Variants in PIEZO2 observed in about 807,000 individuals in gnomAD.
PIEZO2 encodes piezo-type mechanosensitive ion channel component 2.
PIEZO2 carries 172 observed loss-of-function variants against 337.3 expected under a neutral mutation model. That is an observed-to-expected ratio of 0.51 (90% CI 0.45 to 0.58). The LOEUF (loss-of-function observed/expected upper bound fraction) is 0.58. Among genes scored for constraint, PIEZO2 ranks in the 20% least tolerant of loss-of-function variants. The pLI is 0.00. For missense variants in PIEZO2, 3,028 were observed against 3,391.3 expected (o/e 0.89, Z 2.66); for synonymous variants, 1,251 against 1,228.5 (o/e 1.02, Z -0.38).
At chr18:10,860,530 C>T (rs2041845339) in intron 5 of PIEZO2, among the ~76,000 whole-genome samples, 1 of 152,162 alleles carries the variant, frequency 6.6e-6, no homozygotes, top group Admixed American at 6.5e-5. Flanking sequence ...CCCACACCAT[C>T]GTCAACACAC....
intron 2 of PIEZO2, among the ~76,000 whole-genome samples, chr18:11,062,013 A>G (rs574548668): frequency 5.3e-5 from 8 of 152,324 alleles, no homozygotes; most frequent in Admixed American, 4.6e-4. Context: ...GAACTATACT[A>G]CAAGGCTACA....
rs917357488 is a variant in PIEZO2, at chr18:10,872,149, C to T, written c.330-734G>A. ...AAATACATATACATGAAATAATGTTCGTGAAAGTTCTTTGTAAAGAATGAA... is the reference window on the plus strand; with the variant it reads ...AAATACATATACATGAAATAATGTTTGTGAAAGTTCTTTGTAAAGAATGAA... On this transcript the variant is annotated intron_variant, in intron 4 of 55. Transcript: ENST00000674853. This position sits in a 1 kb window ranked among gnomAD's most constrained non-coding sequence, Gnocchi z 4.3. Among the ~76,000 whole-genome samples the T allele has an allele frequency of 2.6e-5, 4 of 152,094 alleles. No individual in the cohort carries two copies. Among genetic ancestry groups the T allele is most frequent in the Admixed American group, 6.6e-5 (1 of 15,256 alleles).
At chr18:10,752,015 C>T (rs190860578) in intron 28 of PIEZO2, among the ~76,000 whole-genome samples, 16 of 152,184 alleles carry the variant, frequency 1.1e-4, no homozygotes, top group South Asian at 2.1e-4. Flanking sequence ...GGGGGAGGGT[C>T]CCTCAACCGT....
intron 7 of PIEZO2, among the ~76,000 whole-genome samples, chr18:10,809,581 T>C (rs1284449918): frequency 8.8e-4 from 6 of 6,782 alleles, no homozygotes; most frequent in Admixed American, 3.9e-3. Flanking sequence ...CTCTCTCTCT[T>C]TTTTTTTTTC....
intron 1 of PIEZO2, among the ~76,000 whole-genome samples, chr18:11,136,105 A>C (rs1299022245): frequency 6.6e-6 from 1 of 152,254 alleles, no homozygotes; most frequent in African/African-American, 2.4e-5. Context: ...AATAACTTAC[A>C]TGGTGGGAAA....
rs2031958846 is a variant in PIEZO2 at position 10,929,584 on chromosome 18, T to C, written c.287-18356A>G. 6.6e-6 allele frequency among the ~76,000 whole-genome samples: 1 copy of C among 152,186 alleles called. No individual in the cohort carries two copies. Among genetic ancestry groups the C allele is most frequent in the African/African-American group, 2.4e-5 (1 of 41,438 alleles). On this transcript the variant is annotated intron_variant, in intron 3 of 55. Coordinates refer to ENST00000674853, the MANE Select transcript of PIEZO2 (RefSeq NM_001378183.1). This position sits in a 1 kb window ranked among gnomAD's most constrained non-coding sequence, Gnocchi z 5.6. ...CAGCCTTTGAGGGGCTGAGAAGTTA[T>C]TGGCAAGACTGTGAGAGGAAAATGC...
At chr18:10,948,303 C>T (rs976287384) in intron 3 of PIEZO2, among the ~76,000 whole-genome samples, 1 of 152,048 alleles carries the variant, frequency 6.6e-6, no homozygotes, top group Non-Finnish European at 1.5e-5. Flanking sequence ...TTCTGACCAA[C>T]AGCTCTTTAT....
rs113247596 is a variant in PIEZO2, at chr18:11,004,361, G to A, written c.161-24701C>T. On this transcript the variant is annotated intron_variant, in intron 2 of 55. Coordinates refer to ENST00000674853, the MANE Select transcript of PIEZO2 (RefSeq NM_001378183.1). Reference sequence around the variant, plus strand: ...CATCTCTGATTCTGGGATTTCACACGTTTCTCAGACTGAATTGCTGCCCCC... The same window carrying A: ...CATCTCTGATTCTGGGATTTCACACATTTCTCAGACTGAATTGCTGCCCCC... Among the ~76,000 whole-genome samples, 582 of 152,292 alleles carry A rather than the reference G, an allele frequency of 3.8e-3. 5 individuals are homozygous for A. Among genetic ancestry groups the A allele is most frequent in the African/African-American group, 0.013 (528 of 41,560 alleles).
intron 15 of PIEZO2, among the ~76,000 whole-genome samples, chr18:10,788,418 AAAAG>A (rs1217104785): frequency 2.9e-4 from 39 of 132,918 alleles, no homozygotes; most frequent in African/African-American, 4.1e-4. Flanking sequence ...CAAAAAAAAA[AAAAG>A]AAAGAAAGGA....
rs571446206 is a variant in PIEZO2, at chr18:10,846,308, T to A, written c.917+9045A>T. ...CTCCCGTTTTTTAAAACCATCAGAT[T>A]TGTGAGACTCATTCACTATCACCAG... On this transcript the variant is annotated intron_variant, in intron 7 of 55. Coordinates refer to ENST00000674853, the MANE Select transcript of PIEZO2 (RefSeq NM_001378183.1). The surrounding 1 kb of genome is among the most constrained non-coding windows in gnomAD (Gnocchi z 4.1). Among the ~76,000 whole-genome samples, 2 of 152,128 alleles carry A rather than the reference T, an allele frequency of 1.3e-5. No individual in the cohort carries two copies. The highest frequency in any genetic ancestry group is 2.9e-5 in the Non-Finnish European group (2 of 68,026).
chr18:10,818,194 C>T (rs1234086850), intron 7 of PIEZO2, among the ~76,000 whole-genome samples: 2 of 152,022 alleles, frequency 1.3e-5, no homozygotes, highest in Non-Finnish European at 2.9e-5. Context: ...TCTGTTCTGC[C>T]AAAGTGCTAT....
intron 2 of PIEZO2, among the ~76,000 whole-genome samples, chr18:11,004,615 G>A (rs372724709): frequency 9.9e-5 from 15 of 152,280 alleles, no homozygotes; most frequent in South Asian, 2.1e-4. Flanking sequence ...TACAAGAAAT[G>A]GCTGCTTTGT....
intron 29 of PIEZO2, 106 bp downstream of exon 29, chr18:10,749,985 C>G: frequency 1.2e-6 from 1 of 801,106 alleles, no homozygotes; most frequent in Non-Finnish European, 2.0e-6. Context: ...GAAAACTGAC[C>G]CCACTTTTAT....
At chr18:10,936,814 TG>T (rs2088417495) in intron 3 of PIEZO2, among the ~76,000 whole-genome samples, 2 of 152,224 alleles carry the variant, frequency 1.3e-5, no homozygotes, top group Admixed American at 1.3e-4. Context: ...ACTGTGGGAC[TG>T]TGCAGACAAA....
chr18:10,787,013 A>G (rs1433652367), intron 16 of PIEZO2, 23 bp downstream of exon 16: 13 of 1,520,154 alleles, frequency 8.6e-6, no homozygotes, highest in Non-Finnish European at 1.8e-6. Flanking sequence ...CTTGTTCATC[A>G]TTTTCAACTC....
In PIEZO2 at chr18:10,837,574, C is replaced by T. The variant is rs1446861150; in HGVS notation, c.917+17779G>A. ...CAATATCTCTTCCCAATCCAAAATT[C>T]TATGGTACAATCTATGTAAGAAAAG... On this transcript the variant is annotated intron_variant, in intron 7 of 55. Transcript: ENST00000674853. This position sits in a 1 kb window ranked among gnomAD's most constrained non-coding sequence, Gnocchi z 4.4. Among the ~76,000 whole-genome samples, 1 of 152,164 alleles carries T rather than the reference C, an allele frequency of 6.6e-6. No individual in the cohort carries two copies. The highest frequency in any genetic ancestry group is 6.5e-5 in the Admixed American group (1 of 15,278).
intron 2 of PIEZO2, among the ~76,000 whole-genome samples, chr18:11,039,931 A>G (rs2037059439): frequency 6.6e-6 from 1 of 151,942 alleles, no homozygotes; most frequent in South Asian, 2.1e-4. Flanking sequence ...AACCCTCCCC[A>G]CCCCGTATAG....
chr18:10,828,736 C>G lies in PIEZO2; in HGVS notation c.918-21462G>C, dbSNP rs2040754131. Reference sequence around the variant, plus strand: ...AGTCTGAGCATCTGTAAGAACATGACAGTCTTATAATACATTTCCCTTCCT... The same window carrying G: ...AGTCTGAGCATCTGTAAGAACATGAGAGTCTTATAATACATTTCCCTTCCT... On this transcript the variant is annotated intron_variant, in intron 7 of 55. Coordinates refer to ENST00000674853, the MANE Select transcript of PIEZO2 (RefSeq NM_001378183.1). This position sits in a 1 kb window ranked among gnomAD's most constrained non-coding sequence, Gnocchi z 4.1. 6.6e-6 allele frequency among the ~76,000 whole-genome samples: 1 copy of G among 152,116 alleles called. No homozygotes were observed. The highest frequency in any genetic ancestry group is 2.1e-4 in the South Asian group (1 of 4,814).
At chr18:10,839,909 A>G (rs2041139530) in intron 7 of PIEZO2, among the ~76,000 whole-genome samples, 1 of 152,228 alleles carries the variant, frequency 6.6e-6, no homozygotes, top group Non-Finnish European at 1.5e-5. Context: ...GAAAGAAACA[A>G]GCGTATCTAG....
Sources: gnomAD v4.1 joint callset for allele counts (sites outside exome capture counted in the v4.1 genomes callset) on GRCh38, gnomAD v4.1.1 for gene constraint, Gnocchi (gnomAD v3.1) non-coding constraint, MANE v1.5 for transcripts, NCBI Gene and HGNC (gene_info 2026-07-23, HGNC 2026-07-21) for gene names.